The following DHX37 variants were observed in gnomAD, a reference collection of about 807,000 sequenced individuals.
DHX37 encodes the protein probable ATP-dependent RNA helicase DHX37.
In DHX37, 52 loss-of-function variants were observed where a neutral mutation model predicts 134.3. That is an observed-to-expected ratio of 0.39 (90% CI 0.31 to 0.49). The LOEUF is 0.49. DHX37 is among the 20% of genes least tolerant of loss of function. The pLI is 0.93. For synonymous variants in DHX37, 634 were observed against 670.7 expected (o/e 0.95, Z 0.85); for missense variants, 1,344 against 1,580.8 (o/e 0.85, Z 2.54).
At chr12:124,963,797 G>A (rs988013791) in intron 15 of DHX37, among the ~76,000 whole-genome samples, 7 of 148,612 alleles carry the variant, frequency 4.7e-5, no homozygotes, top group South Asian at 4.2e-4. Flanking sequence ...AGAGAATGGC[G>A]TGAACCCGGG....
chr12:124,974,532 C>A (rs144120227), intron 6 of DHX37, among the ~76,000 whole-genome samples: 1 of 150,026 alleles, frequency 6.7e-6, no homozygotes, highest in Admixed American at 6.7e-5. Context: ...TCCACCACCA[C>A]GTCCTGAGAG....
chr12:124,965,526 G>A (rs1954365541), intron 13 of DHX37, 142 bp downstream of exon 13: 9 of 1,347,634 alleles, frequency 6.7e-6, no homozygotes, highest in East Asian at 5.3e-5. Context: ...AGGCCTCCTC[G>A]TGCCAGGCAG....
intron 20 of DHX37, chr12:124,953,651 C>T (rs1259951913): frequency 4.2e-6 from 3 of 707,490 alleles, no homozygotes; most frequent in Non-Finnish European, 6.6e-6. Context: ...GAGCGACGAC[C>T]TGGTGGGGGA....
At chr12:124,973,080 T>C (rs1954552500) in intron 6 of DHX37, among the ~76,000 whole-genome samples, 1 of 152,232 alleles carries the variant, frequency 6.6e-6, no homozygotes, top group Non-Finnish European at 1.5e-5. Context: ...AGGTTGAGGC[T>C]GCACTGAGCA....
chr12:124,975,370 A>T (rs1954614489), intron 6 of DHX37, 49 bp downstream of exon 6: 1 of 1,591,312 alleles, frequency 6.3e-7, no homozygotes, highest in Non-Finnish European at 8.6e-7. Context: ...CATCTGGGCA[A>T]GGCCACAGGA....
intron 17 of DHX37, 37 bp downstream of exon 17, chr12:124,956,992 C>A: frequency 2.0e-6 from 3 of 1,525,558 alleles, no homozygotes; most frequent in Non-Finnish European, 2.6e-6. Context: ...GGGCCCTGAA[C>A]GGGGCAGGAA....
chr12:124,954,435 G>A (rs550612476), intron 18 of DHX37, among the ~76,000 whole-genome samples: 2 of 151,432 alleles, frequency 1.3e-5, no homozygotes, highest in Admixed American at 1.3e-4. Context: ...TCGCTCTGTC[G>A]CCCAGTGCAG....
chr12:124,957,237 G>T, intron 16 of DHX37, 102 bp from the exon 17 acceptor site: 1 of 1,131,740 alleles, frequency 8.8e-7, no homozygotes, highest in Non-Finnish European at 1.2e-6. Context: ...CCCTCTCTCC[G>T]GGCTCAGCTC....
chr12:124,960,171 G>A, intron 16 of DHX37, 141 bp downstream of exon 16: 1 of 1,406,868 alleles, frequency 7.1e-7, no homozygotes, highest in Non-Finnish European at 9.5e-7. Context: ...CAGAAGCCCT[G>A]GGAGCACCTG....
intron 18 of DHX37, 107 bp from the exon 19 acceptor site, chr12:124,954,318 G>T: frequency 6.8e-7 from 1 of 1,460,538 alleles, no homozygotes. Context: ...GCCTTGTGGG[G>T]TCACTGATGA....
chr12:124,982,385 A>G (rs1051263576), intron 3 of DHX37, 126 bp downstream of exon 3: 33 of 1,285,274 alleles, frequency 2.6e-5, no homozygotes, highest in Non-Finnish European at 3.4e-5. Flanking sequence ...ATGAATTTTC[A>G]GCCACTCAGG....
chr12:124,975,612 G>GC, intron 5 of DHX37, 101 bp from the exon 6 acceptor site: 1 of 1,266,836 alleles, frequency 7.9e-7, no homozygotes, highest in African/African-American at 1.5e-5. Flanking sequence ...CTGACCTGGC[G>GC]CTCACCCAGG....
chr12:124,950,344 A>G, intron 23 of DHX37, 69 bp downstream of exon 23: 1 of 1,597,352 alleles, frequency 6.3e-7, no homozygotes, highest in Non-Finnish European at 8.5e-7. Flanking sequence ...GGCAGGGGAC[A>G]GGACCGTGTG....
At chr12:124,962,119 G>A (rs1386321519) in intron 15 of DHX37, among the ~76,000 whole-genome samples, 4 of 151,592 alleles carry the variant, frequency 2.6e-5, no homozygotes, top group Non-Finnish European at 5.9e-5. Flanking sequence ...GAGGCACGAA[G>A]ACTGCTTGAG....
At chr12:124,965,848 G>C in intron 12 of DHX37, 36 bp from the exon 13 acceptor site, 2 of 1,596,946 alleles carry the variant, frequency 1.3e-6, no homozygotes, top group Non-Finnish European at 1.7e-6. Flanking sequence ...TGGGCTGCAG[G>C]GATCCTGGGT....
chr12:124,977,185 TG>T (rs1352079234), intron 5 of DHX37, among the ~76,000 whole-genome samples, 156 bp downstream of exon 5: 1 of 152,240 alleles, frequency 6.6e-6, no homozygotes, highest in Non-Finnish European at 1.5e-5. Flanking sequence ...ATCTCACAGC[TG>T]GGGCCCAGAG....
rs145846373 is a variant in DHX37, at chr12:124,975,691, T to C, written c.888-180A>G. 1.0e-3 allele frequency among the ~76,000 whole-genome samples: 153 copies of C among 152,174 alleles called. 1 individual carries two copies. In the East Asian group the frequency reaches 0.017, roughly 17 times the overall value. Reference sequence around the variant, plus strand: ...ACGGAACAGCCCAAAGGCCAACACATAGAAAACGGTTCGACATTCACCATG... The same window carrying C: ...ACGGAACAGCCCAAAGGCCAACACACAGAAAACGGTTCGACATTCACCATG... On this transcript the variant is annotated intron_variant, in intron 5 of 26. Coordinates refer to ENST00000308736, the MANE Select transcript of DHX37 (RefSeq NM_032656.4).
chr12:124,960,823 C>T (rs538588642), intron 15 of DHX37, among the ~76,000 whole-genome samples: 4 of 152,166 alleles, frequency 2.6e-5, no homozygotes, highest in South Asian at 2.1e-4. Context: ...GGCACGGTGA[C>T]GTGCATCTGT....
At chr12:124,981,625 G>A (rs1032197765) in intron 3 of DHX37, among the ~76,000 whole-genome samples, 2 of 151,940 alleles carry the variant, frequency 1.3e-5, no homozygotes, top group Non-Finnish European at 2.9e-5. Flanking sequence ...AGTGGAGACA[G>A]GGTTTCACCA....
Sources: allele counts gnomAD v4.1 joint callset (sites outside exome capture counted in the v4.1 genomes callset), GRCh38; gene constraint gnomAD v4.1.1; transcripts MANE v1.5; gene names NCBI Gene and HGNC (gene_info 2026-07-23, HGNC 2026-07-21).